The following CNTN4 variants were observed in gnomAD, a reference collection of about 807,000 sequenced individuals.
CNTN4 encodes the protein contactin 4.
A neutral mutation model predicts 122.5 loss-of-function variants in CNTN4; 77 were observed. The ratio of observed to expected loss-of-function variants is 0.63; its 90% confidence interval spans 0.52 to 0.76. The LOEUF is 0.76. CNTN4 is among the 30% of genes least tolerant of loss of function. The pLI is 0.00. For missense variants in CNTN4, 1,256 were observed against 1,259.1 expected (o/e 1.00, Z 0.04); for synonymous variants, 512 against 447.0 (o/e 1.15, Z -1.83).
intron 2 of CNTN4, among the ~76,000 whole-genome samples, chr3:2,269,672 T>C (rs528501894): frequency 1.3e-5 from 2 of 152,076 alleles, no homozygotes; most frequent in African/African-American, 2.4e-5. Context: ...GTTCTGAAAT[T>C]GATTAAGTAT....
intron 7 of CNTN4, among the ~76,000 whole-genome samples, chr3:2,835,509 A>G (rs1383500355): frequency 6.6e-6 from 1 of 152,194 alleles, no homozygotes; most frequent in Non-Finnish European, 1.5e-5. Context: ...GTTCAGCCAA[A>G]AAAAATTTAA....
intron 13 of CNTN4, among the ~76,000 whole-genome samples, chr3:2,982,944 A>G (rs199729505): frequency 9.9e-5 from 15 of 152,236 alleles, no homozygotes; most frequent in Non-Finnish European, 1.5e-4. Flanking sequence ...TGCCGGGCGC[A>G]GTGGCTCACG....
intron 2 of CNTN4, among the ~76,000 whole-genome samples, chr3:2,310,296 C>T (rs1288054336): frequency 6.6e-6 from 1 of 152,114 alleles, no homozygotes. Flanking sequence ...AAAGATTAGC[C>T]TTGATCATTT....
intron 4 of CNTN4, among the ~76,000 whole-genome samples, chr3:2,597,461 A>T (rs1375110967): frequency 1.3e-5 from 2 of 152,176 alleles, no homozygotes; most frequent in Non-Finnish European, 2.9e-5. Context: ...GTTAATAAAA[A>T]TGCGAAAGTA....
chr3:2,652,571 G>C (rs985504884), intron 4 of CNTN4, among the ~76,000 whole-genome samples: 3 of 152,170 alleles, frequency 2.0e-5, no homozygotes, highest in Non-Finnish European at 2.9e-5. Context: ...AGAGAAGAGA[G>C]AAAAGACTTC....
chr3:2,484,552 A>G (rs1207723707), intron 3 of CNTN4, among the ~76,000 whole-genome samples: 1 of 152,220 alleles, frequency 6.6e-6, no homozygotes, highest in Non-Finnish European at 1.5e-5. Context: ...ATAGGGGATG[A>G]GGCTTGTAAA....
intron 7 of CNTN4, among the ~76,000 whole-genome samples, chr3:2,823,157 G>A (rs1470930445): frequency 1.3e-5 from 2 of 152,168 alleles, no homozygotes. Context: ...TCACCCTAAA[G>A]CGAGAAGAAT....
intron 3 of CNTN4, among the ~76,000 whole-genome samples, chr3:2,368,271 A>G (rs2045490479): frequency 6.6e-6 from 1 of 151,394 alleles, no homozygotes. Flanking sequence ...TGACCTCATG[A>G]TCCGCCCGCC....
At chr3:2,585,783 A>G (rs534746918) in intron 4 of CNTN4, among the ~76,000 whole-genome samples, 1 of 151,842 alleles carries the variant, frequency 6.6e-6, no homozygotes, top group South Asian at 2.1e-4. Flanking sequence ...GCACACGTAT[A>G]CATATGTAAC....
At chr3:2,794,831 C>T (rs2092121109) in intron 6 of CNTN4, among the ~76,000 whole-genome samples, 1 of 152,208 alleles carries the variant, frequency 6.6e-6, no homozygotes, top group Non-Finnish European at 1.5e-5. Context: ...TCCTGGTTCA[C>T]AGACTGCTAT....
At chr3:2,953,001 T>C (rs1469887468) in intron 13 of CNTN4, among the ~76,000 whole-genome samples, 2 of 152,222 alleles carry the variant, frequency 1.3e-5, no homozygotes, top group African/African-American at 2.4e-5. Context: ...TTGAAGGAAC[T>C]AAAGCTCATC....
At chr3:2,625,798 CT>C (rs1297842112) in intron 4 of CNTN4, among the ~76,000 whole-genome samples, 2 of 152,126 alleles carry the variant, frequency 1.3e-5, no homozygotes, top group Non-Finnish European at 1.5e-5. Context: ...TTAAATATGT[CT>C]CCTGCTGCGC....
At chr3:2,279,984 G>T (rs1306852177) in intron 2 of CNTN4, among the ~76,000 whole-genome samples, 1 of 147,040 alleles carries the variant, frequency 6.8e-6, no homozygotes, top group Non-Finnish European at 1.5e-5. Context: ...GAGAGAGATA[G>T]ATATAGAGCT....
intron 2 of CNTN4, among the ~76,000 whole-genome samples, chr3:2,328,274 C>T (rs1333357846): frequency 3.1e-4 from 47 of 150,256 alleles, no homozygotes; most frequent in African/African-American, 3.4e-4. Context: ...GGCGTGGTGG[C>T]GGGCGCCTGT....
intron 2 of CNTN4, among the ~76,000 whole-genome samples, chr3:2,197,470 C>T (rs1320875850): frequency 1.3e-5 from 2 of 152,158 alleles, no homozygotes; most frequent in Non-Finnish European, 2.9e-5. Context: ...TGCCTTAATG[C>T]ACTACATTTC....
intron 3 of CNTN4, among the ~76,000 whole-genome samples, chr3:2,387,781 ATTC>A (rs1559509069): frequency 6.6e-6 from 1 of 152,158 alleles, no homozygotes; most frequent in African/African-American, 2.4e-5. Flanking sequence ...CACTTCCATT[ATTC>A]TTCATTATTT....
chr3:2,933,808 A>G (rs1293100449), intron 13 of CNTN4, among the ~76,000 whole-genome samples: 1 of 152,214 alleles, frequency 6.6e-6, no homozygotes, highest in Non-Finnish European at 1.5e-5. Context: ...AGACAGAGAT[A>G]CAGACATCAG....
At chr3:2,602,333 T>A (rs1381100051) in intron 4 of CNTN4, among the ~76,000 whole-genome samples, 1 of 152,196 alleles carries the variant, frequency 6.6e-6, no homozygotes, top group Non-Finnish European at 1.5e-5. Context: ...TGATTGTATA[T>A]TTAGAAAACC....
chr3:2,874,096 T>C (rs2093816491), intron 8 of CNTN4, among the ~76,000 whole-genome samples: 1 of 152,240 alleles, frequency 6.6e-6, no homozygotes, highest in Non-Finnish European at 1.5e-5. Context: ...TAATAGCATC[T>C]TAATGGCTCT....
Sources: gnomAD v4.1 joint callset for allele counts (sites outside exome capture counted in the v4.1 genomes callset) on GRCh38, gnomAD v4.1.1 for gene constraint, MANE v1.5 for transcripts, NCBI Gene and HGNC (gene_info 2026-07-23, HGNC 2026-07-21) for gene names.